PCLO: variants seen among roughly 807,000 people sequenced by gnomAD.
PCLO encodes the protein protein piccolo.
A neutral mutation model predicts 427.5 loss-of-function variants in PCLO; 82 were observed. The ratio of observed to expected loss-of-function variants is 0.19; its 90% confidence interval spans 0.16 to 0.23. The LOEUF (loss-of-function observed/expected upper bound fraction) is 0.23. PCLO is among the 10% of genes least tolerant of loss of function. PCLO has a pLI of 1.00. For missense variants in PCLO, 6,239 were observed against 6,115.9 expected (o/e 1.02, Z -0.67); for synonymous variants, 2,357 against 2,155.4 (o/e 1.09, Z -2.59).
At chr7:82,967,928 G>A (rs536600142) in intron 3 of PCLO, among the ~76,000 whole-genome samples, 4 of 152,236 alleles carry the variant, frequency 2.6e-5, no homozygotes, top group East Asian at 1.9e-4. Flanking sequence ...GCTCTGAGAA[G>A]TTCAGTTTCA....
intron 22 of PCLO, among the ~76,000 whole-genome samples, chr7:82,781,695 C>T (rs1790877091): frequency 6.6e-6 from 1 of 152,164 alleles, no homozygotes; most frequent in African/African-American, 2.4e-5. Flanking sequence ...CTCCTGCCCT[C>T]CTTTCAGCTG....
Position 83,038,029 on chromosome 7 carries a change from ATTTATATATT to A in PCLO, c.3301-71552_3301-71543del, listed in dbSNP as rs1193279621. ...TATATATATATATATATATATATAT[ATTTATATATT>A]TATATATATATCTTTATATATATAT... On this transcript the variant is annotated intron_variant, in intron 3 of 24. Transcript: ENST00000333891. Among the ~76,000 whole-genome samples, 113 of 36,426 alleles carry A rather than the reference ATTTATATATT, an allele frequency of 3.1e-3. 6 individuals carry two copies. The highest frequency in any genetic ancestry group is 0.011 in the African/African-American group (59 of 5,390). The allele number at this position is 36,426 out of a possible 152,430, so 23.9% of individuals were successfully genotyped here.
At chr7:83,122,221 T>A (rs557219940) in intron 3 of PCLO, among the ~76,000 whole-genome samples, 9 of 150,666 alleles carry the variant, frequency 6.0e-5, no homozygotes, top group African/African-American at 2.0e-4. Context: ...AAAATTAAAA[T>A]CCTTTCCTCT....
At chr7:82,823,683 G>A (rs973552040) in intron 19 of PCLO, among the ~76,000 whole-genome samples, 13 of 152,064 alleles carry the variant, frequency 8.5e-5, no homozygotes, top group African/African-American at 2.9e-4. Context: ...TAAAAAATTA[G>A]CTTGAGTCCA....
intron 3 of PCLO, among the ~76,000 whole-genome samples, chr7:82,976,688 T>G (rs1271163430): frequency 1.3e-5 from 2 of 152,080 alleles, no homozygotes; most frequent in African/African-American, 4.8e-5. Context: ...GTAACATGCA[T>G]AAATAGTCAC....
intron 3 of PCLO, among the ~76,000 whole-genome samples, chr7:82,977,473 G>A (rs2115747259): frequency 6.6e-6 from 1 of 151,386 alleles, no homozygotes; most frequent in East Asian, 1.9e-4. Context: ...GGGTGCAATG[G>A]TGTGACCTTG....
chr7:82,760,510 G>T, intron 24 of PCLO, 129 bp downstream of exon 24: 2 of 536,764 alleles, frequency 3.7e-6, no homozygotes, highest in South Asian at 6.3e-5. Context: ...GGGAGATACT[G>T]CTGAAAATTA....
At chr7:82,889,175 C>A (rs1002673265) in intron 9 of PCLO, among the ~76,000 whole-genome samples, 9 of 152,052 alleles carry the variant, frequency 5.9e-5, no homozygotes, top group Non-Finnish European at 1.3e-4. Context: ...GCACAACCCC[C>A]GTGTGGCTCT....
In PCLO at chr7:83,162,691, G is replaced by C; in HGVS notation, c.-99C>G. ...AGCAGTCAGAGCCGGGGTCCGCCTCGGGGCGTGCAGGCAGCCGAGTCCCTG... is the reference window on the plus strand; with the variant it reads ...AGCAGTCAGAGCCGGGGTCCGCCTCCGGGCGTGCAGGCAGCCGAGTCCCTG... On this transcript the variant is annotated 5_prime_UTR_variant, in exon 1 of 25. Coordinates refer to ENST00000333891, the MANE Select transcript of PCLO (RefSeq NM_033026.6). 2 of 1,403,962 alleles carry C rather than the reference G, an allele frequency of 1.4e-6. No individual in the cohort carries two copies. The highest frequency in any genetic ancestry group is 9.4e-7 in the Non-Finnish European group (1 of 1,068,768). The allele number at this position is 1,403,962 out of a possible 1,614,324, so 87.0% of individuals were successfully genotyped here. A position where few individuals can be genotyped will look rare whatever the true frequency, so the allele number is the denominator to read the frequency against.
intron 10 of PCLO, among the ~76,000 whole-genome samples, chr7:82,864,455 G>A (rs1002806340): frequency 6.9e-4 from 105 of 152,060 alleles, no homozygotes; most frequent in African/African-American, 2.4e-3. Context: ...TTGTATAGCT[G>A]GAATGTGTTG....
intron 1 of PCLO, among the ~76,000 whole-genome samples, chr7:83,157,725 A>G (rs1448792685): frequency 3.3e-5 from 5 of 151,960 alleles, no homozygotes; most frequent in African/African-American, 9.7e-5. Context: ...AATATTCTGA[A>G]TTAGAATTAT....
At chr7:83,143,270 A>G (rs916842670) in intron 2 of PCLO, among the ~76,000 whole-genome samples, 11 of 152,158 alleles carry the variant, frequency 7.2e-5, no homozygotes, top group African/African-American at 1.4e-4. Flanking sequence ...TTACTCCCCA[A>G]CAGCAGTTTG....
intron 20 of PCLO, among the ~76,000 whole-genome samples, chr7:82,807,708 CAAGA>C (rs1299847849): frequency 2.0e-5 from 3 of 151,952 alleles, no homozygotes; most frequent in Non-Finnish European, 4.4e-5. Flanking sequence ...GAATAGGGAA[CAAGA>C]AAGAAATTGT....
chr7:82,954,184 C>G lies in PCLO; in HGVS notation c.6769G>C (p.Ala2257Pro). 6.2e-7 allele frequency: 1 copy of G among 1,613,584 alleles called. No homozygotes were observed. The highest frequency in any genetic ancestry group is 8.5e-7 in the Non-Finnish European group (1 of 1,179,614). ...LDRTAPPDGRASADHIVISLS... is the reference protein window; with the variant it reads ...LDRTAPPDGRPSADHIVISLS... ...GAAATAACAATATGATCAGCACTAGCTCTACCATCTGGTGGGGCAGTCCGA... is the reference window on the plus strand; with the variant it reads ...GAAATAACAATATGATCAGCACTAGGTCTACCATCTGGTGGGGCAGTCCGA... Residue 2257 changes from alanine to proline, a missense_variant, in exon 5 of 25, where the codon GCT becomes CCT. Ala to Pro is a conservative substitution (Grantham distance 27, BLOSUM62 -1). Around this residue, in one of 5 missense-constraint regions of PCLO, gnomAD observed 4,677 missense variants for 4,468.4 expected, o/e 1.05. Transcript: ENST00000333891.
At chr7:82,973,430 T>C (rs1795948973) in intron 3 of PCLO, among the ~76,000 whole-genome samples, 1 of 152,188 alleles carries the variant, frequency 6.6e-6, no homozygotes, top group Admixed American at 6.5e-5. Flanking sequence ...AGAACATAAA[T>C]ATGTATATGA....
chr7:82,893,129 G>T (rs577232112), intron 9 of PCLO, among the ~76,000 whole-genome samples: 4,586 of 151,220 alleles, frequency 0.03, 255 homozygotes, highest in African/African-American at 0.11. Context: ...CACACGTATG[G>T]TTATTGCGGC....
In PCLO at chr7:83,030,024, G is replaced by A. The variant is rs577413405; in HGVS notation, c.3301-63537C>T. The stretch of plus-strand genomic sequence containing the variant: ...ATACCTAATGCTAGATGACGAGTTA[G>A]TGGGTGCAGCGCACCAGCATGGCAC... On this transcript the variant is annotated intron_variant, in intron 3 of 24. Transcript: ENST00000333891. 7.4e-5 allele frequency among the ~76,000 whole-genome samples: 11 copies of A among 148,142 alleles called. No homozygotes were observed. The South Asian group carries it at 2.0e-3, about 27-fold the overall frequency.
intron 10 of PCLO, among the ~76,000 whole-genome samples, chr7:82,863,612 A>G (rs1436284717): frequency 6.6e-6 from 1 of 152,038 alleles, no homozygotes; most frequent in African/African-American, 2.4e-5. Flanking sequence ...TTGATTTTCC[A>G]TTGAAAAATA....
intron 3 of PCLO, among the ~76,000 whole-genome samples, chr7:82,989,395 ATC>A (rs1332067000): frequency 3.3e-5 from 5 of 152,074 alleles, no homozygotes; most frequent in Non-Finnish European, 5.9e-5. Flanking sequence ...TATAATCAAA[ATC>A]TATTTTAAAA....
Sources: allele counts gnomAD v4.1 joint callset (sites outside exome capture counted in the v4.1 genomes callset), GRCh38; gene constraint gnomAD v4.1.1; regional missense constraint gnomAD v4.1.1; transcripts MANE v1.5; gene names NCBI Gene and HGNC (gene_info 2026-07-23, HGNC 2026-07-21).